The following KRAS variants were observed in gnomAD, a reference collection of about 807,000 sequenced individuals.
KRAS encodes the protein KRas proto-oncogene, GTPase.
Under a neutral mutation model 21.0 loss-of-function variants are expected in KRAS, and 1 was observed. The ratio of observed to expected loss-of-function variants is 0.05; its 90% CI spans 0.02 to 0.23. The LOEUF is 0.23. Among genes scored for constraint, KRAS ranks in the 10% least tolerant of loss-of-function variants. The probability of loss-of-function intolerance (pLI) is 1.00; values close to 1 mark genes in which losing one functional copy is unlikely to be tolerated. For missense variants in KRAS, 107 were observed against 221.8 expected, an observed-to-expected ratio of 0.48 and a Z score of 3.29; for synonymous variants, 67 against 72.5, an observed-to-expected ratio of 0.92 and a Z score of 0.39.
intron 4 of KRAS, among the ~76,000 whole-genome samples, chr12:25,214,403 T>C (rs1951231973): frequency 7.9e-6 from 1 of 126,752 alleles, no homozygotes; most frequent in Non-Finnish European, 1.7e-5. Context: ...TTTTTTTTTT[T>C]TGAGACAGAG....
At chr12:25,237,528 C>G (rs541000158) in intron 2 of KRAS, among the ~76,000 whole-genome samples, 1 of 152,134 alleles carries the variant, frequency 6.6e-6, no homozygotes, top group Non-Finnish European at 1.5e-5. Context: ...CTGCAGGCAT[C>G]TTGATATACA....
At chr12:25,236,259 G>C (rs940666521) in intron 2 of KRAS, among the ~76,000 whole-genome samples, 3 of 152,144 alleles carry the variant, frequency 2.0e-5, no homozygotes, top group African/African-American at 7.2e-5. Context: ...AATAGGAAGG[G>C]AGATCAGATT....
At chr12:25,249,472 G>A (rs1200429729) in intron 1 of KRAS, among the ~76,000 whole-genome samples, 1 of 145,826 alleles carries the variant, frequency 6.9e-6, no homozygotes, top group Non-Finnish European at 1.5e-5. Context: ...GCACCTACTA[G>A]TCCCAGCTAC....
chr12:25,239,817 G>C (rs957329747), intron 2 of KRAS, among the ~76,000 whole-genome samples: 5 of 152,046 alleles, frequency 3.3e-5, no homozygotes, highest in African/African-American at 1.2e-4. Context: ...ATTGGGTGTG[G>C]TGGTGCATGC....
At chr12:25,238,954 A>C (rs1037799634) in intron 2 of KRAS, among the ~76,000 whole-genome samples, 3 of 152,264 alleles carry the variant, frequency 2.0e-5, no homozygotes, top group Admixed American at 2.0e-4. Flanking sequence ...CATGTAGTTT[A>C]CATTTTGAAA....
chr12:25,236,223 A>G (rs1297118442), intron 2 of KRAS, among the ~76,000 whole-genome samples: 1 of 152,178 alleles, frequency 6.6e-6, no homozygotes, highest in Non-Finnish European at 1.5e-5. Context: ...ACTTCATCCT[A>G]TACAAAATCA....
At chr12:25,249,438 A>C (rs1951734248) in intron 1 of KRAS, among the ~76,000 whole-genome samples, 1 of 150,952 alleles carries the variant, frequency 6.6e-6, no homozygotes, top group South Asian at 2.1e-4. Flanking sequence ...TAAAAATACA[A>C]AAATTAGCTG....
intron 2 of KRAS, among the ~76,000 whole-genome samples, chr12:25,227,864 C>G (rs1265139651): frequency 6.6e-6 from 1 of 152,054 alleles, no homozygotes; most frequent in African/African-American, 2.4e-5. Flanking sequence ...ACCAAAATAA[C>G]TAAAAACAGG....
At chr12:25,249,097 A>G (rs1951727713) in intron 1 of KRAS, among the ~76,000 whole-genome samples, 1 of 152,212 alleles carries the variant, frequency 6.6e-6, no homozygotes, top group Admixed American at 6.5e-5. Flanking sequence ...GTCTGTTTTG[A>G]TGGATCTCAA....
chr12:25,230,630 A>G lies in KRAS; in HGVS notation c.112-3218T>C, dbSNP rs571846995. On this transcript the variant is annotated intron_variant, in intron 2 of 4. Coordinates refer to ENST00000311936, the MANE Select transcript of KRAS (RefSeq NM_004985.5). ...GCAACAACAGCAAAACTCTGTCCCA[A>G]AAAAGACATTTATCTCTTGCTTATC... 4.6e-5 allele frequency among the ~76,000 whole-genome samples: 7 copies of G among 152,308 alleles called. No individual in the cohort carries two copies. The East Asian group carries it at 1.2e-3, about 25-fold the overall frequency.
At chr12:25,225,467 C>A in intron 4 of KRAS, 147 bp downstream of exon 4, 1 of 783,036 alleles carries the variant, frequency 1.3e-6, no homozygotes, top group Non-Finnish European at 2.1e-6. Context: ...GATTAAGAAG[C>A]AATGCCCTCT....
chr12:25,249,492 T>C (rs533665022), intron 1 of KRAS, among the ~76,000 whole-genome samples: 1 of 149,592 alleles, frequency 6.7e-6, no homozygotes, highest in South Asian at 2.1e-4. Context: ...CTCGGGAGGC[T>C]GAGGCAGGAG....
Position 25,209,401 on chromosome 12 carries a change from G to T in KRAS, c.*394C>A. On this transcript the variant is annotated 3_prime_UTR_variant, in exon 5 of 5. Coordinates refer to ENST00000311936, the MANE Select transcript of KRAS (RefSeq NM_004985.5). Reference sequence around the variant, plus strand: ...AATTAGAAGGTCTCAACTGAAATTAGTAATTAATCCATTTATGTGACTAGA... The same window carrying T: ...AATTAGAAGGTCTCAACTGAAATTATTAATTAATCCATTTATGTGACTAGA... 1 of 821,022 alleles carries T rather than the reference G, an allele frequency of 1.2e-6. No individual in the cohort carries two copies. Among genetic ancestry groups the T allele is most frequent in the Non-Finnish European group, 1.7e-6 (1 of 578,730 alleles). The allele number at this position is 821,022 out of a possible 1,614,324, so 50.9% of individuals were successfully genotyped here. A position where few individuals can be genotyped will look rare whatever the true frequency, so the allele number is the denominator to read the frequency against.
intron 2 of KRAS, among the ~76,000 whole-genome samples, chr12:25,240,146 C>T (rs61761090): frequency 0.015 from 2,346 of 152,194 alleles, 42 homozygotes; most frequent in Middle Eastern, 0.068. Flanking sequence ...CATGAGCCAC[C>T]ATATCTGGCT....
chr12:25,243,777 T>C (rs1460289080), intron 2 of KRAS, among the ~76,000 whole-genome samples: 1 of 152,190 alleles, frequency 6.6e-6, no homozygotes, highest in Non-Finnish European at 1.5e-5. Context: ...AACCCTGAAT[T>C]TGCAATACAG....
At chr12:25,211,292 G>A (rs1951198160) in intron 4 of KRAS, 1 of 152,120 alleles carries the variant, frequency 6.6e-6, no homozygotes, top group African/African-American at 2.4e-5. Flanking sequence ...AATGTTAAGT[G>A]GGCGGGGTGC....
chr12:25,208,364 CA>C lies in KRAS; in HGVS notation c.*1430del, dbSNP rs2141479782. 1 of 232,904 alleles carries C rather than the reference CA, an allele frequency of 4.3e-6. No individual in the cohort carries two copies. Among genetic ancestry groups the C allele is most frequent in the East Asian group, 6.1e-5 (1 of 16,402 alleles). 14.4% of individuals were successfully genotyped at this position (232,904 alleles called of 1,614,324 possible). A position where few individuals can be genotyped will look rare whatever the true frequency, so the allele number is the denominator to read the frequency against. On this transcript the variant is annotated 3_prime_UTR_variant, in exon 5 of 5. Transcript: ENST00000311936. Reference sequence around the variant, plus strand: ...AAAATAAGTAACATTTTAAATTTATCAAAAGGATTGTTTTTATTTTTATTTT... The same window carrying C: ...AAAATAAGTAACATTTTAAATTTATCAAAGGATTGTTTTTATTTTTATTTT...
At chr12:25,214,244 T>C (rs1199703663) in intron 4 of KRAS, among the ~76,000 whole-genome samples, 1 of 152,160 alleles carries the variant, frequency 6.6e-6, no homozygotes, top group Non-Finnish European at 1.5e-5. Context: ...TAACATGGTA[T>C]TTATTTATAG....
rs560446650 is a variant in KRAS at position 25,206,335 on chromosome 12, T to G, written c.*3460A>C. The stretch of plus-strand genomic sequence containing the variant: ...ATTCACTCAAATGATACAATATACG[T>G]CTGCTATATTCTTCCACAAACATGT... On this transcript the variant is annotated 3_prime_UTR_variant, in exon 5 of 5. Transcript: ENST00000311936. 19 of 206,892 alleles carry G rather than the reference T, an allele frequency of 9.2e-5. No individual in the cohort carries two copies. The highest frequency in any genetic ancestry group is 1.6e-4 in the Non-Finnish European group (16 of 101,494). 12.8% of individuals were successfully genotyped at this position (206,892 alleles called of 1,614,324 possible).
Sources: allele counts gnomAD v4.1 joint callset (sites outside exome capture counted in the v4.1 genomes callset), GRCh38; gene constraint gnomAD v4.1.1; transcripts MANE v1.5; gene names NCBI Gene and HGNC (gene_info 2026-07-23, HGNC 2026-07-21).